The following TDP1 variants were observed in gnomAD, a reference collection of about 807,000 sequenced individuals.
TDP1 encodes tyr-DNA phosphodiesterase 1.
TDP1 carries 64 observed loss-of-function variants against 81.5 expected under a neutral mutation model. That is an observed-to-expected ratio of 0.79 (90% CI 0.64 to 0.97). The LOEUF is 0.97. Ranked by LOEUF, TDP1 falls within the 50% of genes least tolerant of loss-of-function variation. The pLI is 0.00. For missense variants in TDP1, 723 were observed against 743.8 expected, an observed-to-expected ratio of 0.97 and a Z score of 0.33; for synonymous variants, 256 against 264.3, an observed-to-expected ratio of 0.97 and a Z score of 0.30.
intron 6 of TDP1, among the ~76,000 whole-genome samples, chr14:89,973,364 T>C (rs7151913): frequency 0.039 from 5,921 of 152,288 alleles, 377 homozygotes; most frequent in African/African-American, 0.13. Flanking sequence ...ATTACCTACC[T>C]GTGCTCGTTT....
chr14:89,985,446 A>G (rs889025862), intron 10 of TDP1, among the ~76,000 whole-genome samples: 1 of 152,156 alleles, frequency 6.6e-6, no homozygotes, highest in African/African-American at 2.4e-5. Context: ...TCTAGTTTTT[A>G]TATTGTAATA....
At position 89,963,662 on chromosome 14, in the gene TDP1, TC is replaced by T; in HGVS notation, c.550del (p.His184ThrfsTer29). The T allele has an allele frequency of 6.2e-7, 1 of 1,613,964 alleles. No individual in the cohort carries two copies. The highest frequency in any genetic ancestry group is 1.7e-5 in the Admixed American group (1 of 60,010). On this transcript the variant is annotated frameshift_variant, in exon 3 of 17. Transcript: ENST00000335725. LOFTEE classifies it high-confidence loss of function. ...GVKPKYNSGA[L>X]HIKDILSPLF... The stretch of plus-strand genomic sequence containing the variant: ...AAGCCAAAGTATAACTCTGGAGCCC[TC>T]CACATCAAGGGTAAGAGGATGCTGG...
rs922533077 is a variant in TDP1, at chr14:89,962,980, G to T, written c.-7-128G>T. 7 of 1,537,506 alleles carry T rather than the reference G, an allele frequency of 4.6e-6. No homozygotes were observed. In the East Asian group the frequency reaches 1.4e-4, roughly 32 times the overall value. ...TGTGCTTATAAACACCCAAAAAGCAGCTGATGTTAGGTGGTTCAGCCTCTG... is the reference window on the plus strand; with the variant it reads ...TGTGCTTATAAACACCCAAAAAGCATCTGATGTTAGGTGGTTCAGCCTCTG... On this transcript the variant is annotated intron_variant, in intron 2 of 16. Coordinates refer to ENST00000335725, the MANE Select transcript of TDP1 (RefSeq NM_018319.4).
chr14:90,043,318 C>A lies in TDP1; in HGVS notation c.*175C>A. 2 of 708,816 alleles carry A rather than the reference C, an allele frequency of 2.8e-6. No individual in the cohort carries two copies. Among genetic ancestry groups the A allele is most frequent in the Non-Finnish European group, 4.8e-6 (2 of 417,124 alleles). 43.9% of individuals were successfully genotyped at this position (708,816 alleles called of 1,614,324 possible). On this transcript the variant is annotated 3_prime_UTR_variant, in exon 17 of 17. Coordinates refer to ENST00000335725, the MANE Select transcript of TDP1 (RefSeq NM_018319.4). ...TATACTTTTAATGGACATTAACATT[C>A]CTAATAAAGTATTAGTTTCTTAATT... is the stretch of plus-strand genomic sequence containing the variant.
At chr14:89,989,235 G>C (rs1378739913) in intron 11 of TDP1, 145 bp downstream of exon 11, 8 of 1,414,276 alleles carry the variant, frequency 5.7e-6, no homozygotes, top group Non-Finnish European at 7.6e-6. Context: ...GGTGCGGAAA[G>C]AGCAGTACAT....
intron 14 of TDP1, 152 bp downstream of exon 14, chr14:89,993,635 C>T: frequency 8.2e-7 from 1 of 1,220,336 alleles, no homozygotes. Flanking sequence ...TAAAGGCATC[C>T]CATGACTAAT....
In TDP1 at chr14:89,966,780, C is replaced by T. The variant is rs190550721; in HGVS notation, c.604-587C>T. 5.0e-3 allele frequency among the ~76,000 whole-genome samples: 756 copies of T among 152,146 alleles called. 3 individuals carry two copies. Among genetic ancestry groups the T allele is most frequent in the Non-Finnish European group, 7.8e-3 (530 of 68,006 alleles). On this transcript the variant is annotated intron_variant, in intron 4 of 16. Coordinates refer to ENST00000335725, the MANE Select transcript of TDP1 (RefSeq NM_018319.4). ...GAAGGTGGGGAGCATTTGCAAATGC[C>T]CTGTTAGCTCGACTGAGTTACTAAG...
rs1418471039 is a variant in TDP1 at position 90,011,511 on chromosome 14, T to C, written c.1542-7805T>C. Among the ~76,000 whole-genome samples the C allele has an allele frequency of 5.7e-4, 87 of 152,312 alleles. 1 individual carries two copies. The highest frequency in any genetic ancestry group is 5.9e-5 in the Non-Finnish European group (4 of 68,026). ...ACTTGTTGAATGGCTTTGACCAAAA[T>C]GCTGACAGTGATATGGACAATGAAG... On this transcript the variant is annotated intron_variant, in intron 14 of 16. Transcript: ENST00000335725.
intron 15 of TDP1, 28 bp from the exon 16 acceptor site, chr14:90,033,078 A>C (rs776354321): frequency 1.4e-6 from 2 of 1,459,504 alleles, no homozygotes. Flanking sequence ...ATGGGGTGCA[A>C]TCATAGATTT....
intron 8 of TDP1, chr14:89,984,262 G>T: frequency 1.0e-6 from 1 of 985,442 alleles, no homozygotes; most frequent in Non-Finnish European, 1.2e-6. Context: ...GAGGGATGTG[G>T]GTTGGAAGAG....
At position 89,975,788 on chromosome 14, in the gene TDP1, T is replaced by C. The variant is rs151271332; in HGVS notation, c.764T>C (p.Leu255Ser). 1.7e-5 allele frequency: 27 copies of C among 1,612,920 alleles called. No homozygotes were observed. The highest frequency in any genetic ancestry group is 2.2e-5 in the Non-Finnish European group (26 of 1,179,014). ...ACTTCTTTTTCATCCTAGGCAAAGT[T>C]GGATATTGCGTTTGGAACACACCAC... ...YENISLCQAK[L>S]DIAFGTHHTK... is the part of the protein sequence containing the mutation. Residue 255 changes from leucine to serine, a missense_variant, in exon 7 of 17, where the codon TTG (leucine) becomes TCG (serine). Physicochemically the swap from Leu to Ser is moderately radical, Grantham distance 145. Transcript: ENST00000335725.
chr14:90,003,323 C>T (rs1897346943), intron 14 of TDP1, among the ~76,000 whole-genome samples: 1 of 152,214 alleles, frequency 6.6e-6, no homozygotes, highest in African/African-American at 2.4e-5. Flanking sequence ...CAGAGAAACT[C>T]AAAATTAACA....
upstream of TDP1, chr14:89,955,090 C>T (rs1293783458): frequency 1.2e-5 from 2 of 165,406 alleles, no homozygotes; most frequent in African/African-American, 2.4e-5. Flanking sequence ...TTATAGGAGA[C>T]AAAAAGACTG....
chr14:89,990,887 C>T (rs896395712), intron 12 of TDP1, among the ~76,000 whole-genome samples: 2 of 152,026 alleles, frequency 1.3e-5, no homozygotes, highest in Non-Finnish European at 2.9e-5. Context: ...GTGGAGTTTT[C>T]TTCATTTTAA....
intron 3 of TDP1, chr14:89,964,911 T>G (rs556459030): frequency 6.7e-5 from 29 of 429,764 alleles, no homozygotes; most frequent in Admixed American, 6.1e-4. Context: ...ATCTGCACTT[T>G]AGAAAAGTGC....
At chr14:90,016,419 C>T (rs955192787) in intron 14 of TDP1, among the ~76,000 whole-genome samples, 1 of 152,136 alleles carries the variant, frequency 6.6e-6, no homozygotes, top group Non-Finnish European at 1.5e-5. Context: ...CTCCCAAGTC[C>T]TCCTTCAGCT....
At chr14:90,025,827 C>T (rs899791862) in intron 15 of TDP1, among the ~76,000 whole-genome samples, 1 of 152,162 alleles carries the variant, frequency 6.6e-6, no homozygotes, top group Non-Finnish European at 1.5e-5. Flanking sequence ...CTCTTTGGAC[C>T]TCATTCCTTT....
intron 14 of TDP1, among the ~76,000 whole-genome samples, chr14:90,013,839 C>G (rs917467493): frequency 6.6e-6 from 1 of 152,172 alleles, no homozygotes; most frequent in African/African-American, 2.4e-5. Context: ...GAGGAAACCT[C>G]TTTTACTTGG....
At chr14:89,998,048 A>G (rs1262436749) in intron 14 of TDP1, among the ~76,000 whole-genome samples, 1 of 152,036 alleles carries the variant, frequency 6.6e-6, no homozygotes, top group Non-Finnish European at 1.5e-5. Flanking sequence ...TAGGTGCACA[A>G]TCCTTTATTC....
Sources: gnomAD v4.1 joint callset for allele counts (sites outside exome capture counted in the v4.1 genomes callset) on GRCh38, gnomAD v4.1.1 for gene constraint, MANE v1.5 for transcripts, NCBI Gene and HGNC (gene_info 2026-07-23, HGNC 2026-07-21) for gene names.